The following TMEM50B variants were observed in gnomAD, a reference collection of about 807,000 sequenced individuals.
TMEM50B encodes the protein HCV p7-trans-regulated protein 3.
TMEM50B carries 14 observed loss-of-function variants against 23.4 expected under a neutral mutation model. The ratio of observed to expected loss-of-function variants is 0.60; its 90% confidence interval spans 0.39 to 0.93. The LOEUF (loss-of-function observed/expected upper bound fraction) is 0.93. Ranked by LOEUF, TMEM50B falls within the 40% of genes least tolerant of loss-of-function variation. The probability of loss-of-function intolerance (pLI) is 0.00; values close to 1 mark genes in which losing one functional copy is unlikely to be tolerated. For synonymous variants in TMEM50B, 64 were observed against 62.3 expected (o/e 1.03, Z -0.13); for missense variants, 159 against 193.0 (o/e 0.82, Z 1.04).
intron 2 of TMEM50B, chr21:33,468,461 G>T: frequency 4.8e-6 from 1 of 209,538 alleles, no homozygotes; most frequent in Non-Finnish European, 9.6e-6. Context: ...AATAATTTTG[G>T]GTTACATCAA....
chr21:33,443,392 G>A (rs1010068250), intron 7 of TMEM50B, among the ~76,000 whole-genome samples: 3 of 120,218 alleles, frequency 2.5e-5, no homozygotes, highest in African/African-American at 9.4e-5. Context: ...AGTCGGGGCT[G>A]TGGGTACATT....
intron 1 of TMEM50B, among the ~76,000 whole-genome samples, chr21:33,474,343 C>CT (rs1049678459): frequency 1.3e-5 from 2 of 151,654 alleles, no homozygotes; most frequent in African/African-American, 2.4e-5. Flanking sequence ...AGCCAGTTTT[C>CT]TTTTTTTTAA....
Position 33,466,999 on chromosome 21 carries a change from T to G in TMEM50B, c.212+11A>C, listed in dbSNP as rs371167075. ...AAATCACCTTGAATAGAGAATTATC[T>G]TCATACTTACATGAAGAAAGCCAAT... is the stretch of plus-strand genomic sequence containing the variant. On this transcript the variant is annotated intron_variant, in intron 3 of 6. Transcript: ENST00000542230. The G allele has an allele frequency of 1.9e-6, 3 of 1,608,236 alleles. No homozygotes were observed. The African/African-American group carries it at 4.0e-5, about 21-fold the overall frequency.
At chr21:33,449,037 A>G (rs2084092923), downstream of TMEM50B, 2 of 152,196 alleles carry the variant, frequency 1.3e-5, no homozygotes, top group East Asian at 1.9e-4. Flanking sequence ...TTCTTATTTT[A>G]TAAACATAAC....
intron 1 of TMEM50B, among the ~76,000 whole-genome samples, chr21:33,477,258 G>A (rs2084382045): frequency 6.6e-6 from 1 of 152,162 alleles, no homozygotes; most frequent in Admixed American, 6.6e-5. Context: ...CTGCACTCCA[G>A]CCTGGGCAAC....
At chr21:33,443,127 A>G (rs1256033532) in intron 7 of TMEM50B, among the ~76,000 whole-genome samples, 2 of 152,202 alleles carry the variant, frequency 1.3e-5, no homozygotes, top group Non-Finnish European at 2.9e-5. Flanking sequence ...AAAGCCTAAG[A>G]GAGGGTCAAA....
chr21:33,468,658 T>C lies in TMEM50B; in HGVS notation c.99+129A>G, dbSNP rs1601130379. The C allele has an allele frequency of 8.8e-6, 6 of 678,258 alleles. No individual in the cohort carries two copies. The East Asian group carries it at 1.6e-4, about 18-fold the overall frequency. The allele number at this position is 678,258 out of a possible 1,614,324, so 42.0% of individuals were successfully genotyped here. A position where few individuals can be genotyped will look rare whatever the true frequency, so the allele number is the denominator to read the frequency against. On this transcript the variant is annotated intron_variant, in intron 2 of 6. Coordinates refer to ENST00000542230, the MANE Select transcript of TMEM50B (RefSeq NM_006134.7). ...TTGGCAATAGTATCTAGAACTCTGA[T>C]AATCATCTATACAAAACAGCAGTGA...
intron 2 of TMEM50B, among the ~76,000 whole-genome samples, chr21:33,467,452 C>T (rs926227276): frequency 6.6e-6 from 1 of 152,152 alleles, no homozygotes; most frequent in South Asian, 2.1e-4. Flanking sequence ...GGTGAAACCT[C>T]GTTTCTACTA....
chr21:33,444,537 CCT>C (rs1422779116), downstream of TMEM50B, among the ~76,000 whole-genome samples: 11 of 150,238 alleles, frequency 7.3e-5, no homozygotes, highest in Admixed American at 3.3e-4. Context: ...AGAGCCAGAC[CCT>C]GTCTCAAAAA....
chr21:33,469,040 T>A, intron 1 of TMEM50B, 114 bp from the exon 2 acceptor site: 3 of 625,062 alleles, frequency 4.8e-6, no homozygotes, highest in Admixed American at 6.0e-5. Context: ...CCTATTCTAC[T>A]ATAGTTAAGA....
At chr21:33,453,420 CTATCCAAACTGAAACACAA>C (rs1428171118) in intron 6 of TMEM50B, among the ~76,000 whole-genome samples, 3 of 152,020 alleles carry the variant, frequency 2.0e-5, no homozygotes, top group African/African-American at 7.2e-5. Context: ...ACAATAGAAA[CTATCCAAACTGAAACACAA>C]ACAGGAAAAA....
intron 4 of TMEM50B, among the ~76,000 whole-genome samples, chr21:33,461,430 G>C (rs1375859115): frequency 6.6e-6 from 1 of 152,148 alleles, no homozygotes; most frequent in Non-Finnish European, 1.5e-5. Flanking sequence ...AAACAGTAAT[G>C]TTTAGTTCTT....
intron 1 of TMEM50B, among the ~76,000 whole-genome samples, chr21:33,471,364 G>A (rs554115543): frequency 6.6e-6 from 1 of 152,034 alleles, no homozygotes; most frequent in Non-Finnish European, 1.5e-5. Flanking sequence ...AAAATCACTA[G>A]ACATGCAAAG....
At chr21:33,457,986 C>T (rs774848603) in intron 5 of TMEM50B, among the ~76,000 whole-genome samples, 1 of 152,174 alleles carries the variant, frequency 6.6e-6, no homozygotes, top group African/African-American at 2.4e-5. Flanking sequence ...CTGATGAGAC[C>T]ATGCACAAAT....
At chr21:33,433,723 C>T (rs920438355) in intron 8 of TMEM50B, among the ~76,000 whole-genome samples, 2 of 151,800 alleles carry the variant, frequency 1.3e-5, no homozygotes, top group African/African-American at 2.4e-5. Flanking sequence ...TTGGCACTAC[C>T]GAACTGTACA....
chr21:33,478,620 G>A (rs918743693), intron 1 of TMEM50B, among the ~76,000 whole-genome samples: 4 of 152,168 alleles, frequency 2.6e-5, no homozygotes, highest in Non-Finnish European at 4.4e-5. Context: ...GAGTGGGAAG[G>A]CTGTGTCTCC....
At chr21:33,445,623 C>T (rs1207228049), downstream of TMEM50B, among the ~76,000 whole-genome samples, 1 of 152,174 alleles carries the variant, frequency 6.6e-6, no homozygotes, top group East Asian at 1.9e-4. Flanking sequence ...GGCAAAACCC[C>T]ATCTCTACTA....
At chr21:33,442,262 G>A (rs1420807958) in intron 7 of TMEM50B, among the ~76,000 whole-genome samples, 1 of 152,116 alleles carries the variant, frequency 6.6e-6, no homozygotes, top group African/African-American at 2.4e-5. Flanking sequence ...AGCCTCCCTT[G>A]AGACTCAAGG....
At chr21:33,434,819 T>G (rs948243511) in intron 8 of TMEM50B, among the ~76,000 whole-genome samples, 1 of 152,178 alleles carries the variant, frequency 6.6e-6, no homozygotes, top group Non-Finnish European at 1.5e-5. Context: ...CTCAGAATCT[T>G]ACTTGCAGTA....
Sources: allele counts gnomAD v4.1 joint callset (sites outside exome capture counted in the v4.1 genomes callset), GRCh38; gene constraint gnomAD v4.1.1; transcripts MANE v1.5; gene names NCBI Gene and HGNC (gene_info 2026-07-23, HGNC 2026-07-21).